The following SHISAL1 variants were observed in gnomAD, a reference collection of about 807,000 sequenced individuals.
The protein encoded by SHISAL1 is protein shisa-like-1.
A neutral mutation model predicts 22.6 loss-of-function variants in SHISAL1; 9 were observed. The observed-to-expected ratio is 0.40, with a 90% CI of 0.24 to 0.70. The LOEUF (loss-of-function observed/expected upper bound fraction) is 0.70. Ranked by LOEUF, SHISAL1 falls within the 30% of genes least tolerant of loss-of-function variation. SHISAL1 has a pLI of 0.39. For synonymous variants in SHISAL1, 119 were observed against 115.4 expected, an observed-to-expected ratio of 1.03 and a Z score of -0.20; for missense variants, 246 against 270.6, an observed-to-expected ratio of 0.91 and a Z score of 0.64.
chr22:44,251,562 T>C (rs895750005), intron 4 of SHISAL1, among the ~76,000 whole-genome samples: 1 of 152,202 alleles, frequency 6.6e-6, no homozygotes, highest in Non-Finnish European at 1.5e-5. Context: ...AGAGGTTTAA[T>C]TGGACTTACA....
In SHISAL1 at chr22:44,247,368, A is replaced by C. The variant is rs2055009966; in HGVS notation, c.*2317T>G. 6.6e-6 allele frequency: 1 copy of C among 152,306 alleles called. No homozygotes were observed. 9.4% of individuals were successfully genotyped at this position (152,306 alleles called of 1,614,324 possible). ...CAAGGCTTCCTCTGCCTTCTGAGGC[A>C]CTGCACGTGGGACACAGCTGTGGCT... On this transcript the variant is annotated 3_prime_UTR_variant, in exon 5 of 5. Transcript: ENST00000381176.
intron 4 of SHISAL1, among the ~76,000 whole-genome samples, chr22:44,283,869 G>A (rs1446659943): frequency 6.6e-6 from 1 of 152,100 alleles, no homozygotes; most frequent in Non-Finnish European, 1.5e-5. Context: ...CCCTCTAGGT[G>A]TGTCTGTTGC....
At chr22:44,289,363 G>T (rs1220319656) in intron 3 of SHISAL1, among the ~76,000 whole-genome samples, 1 of 152,236 alleles carries the variant, frequency 6.6e-6, no homozygotes, top group Non-Finnish European at 1.5e-5. Context: ...CCCTGTACCT[G>T]CGTGGTGTGC....
intron 4 of SHISAL1, among the ~76,000 whole-genome samples, chr22:44,266,376 G>T (rs1490540946): frequency 6.6e-6 from 1 of 151,192 alleles, no homozygotes; most frequent in East Asian, 1.9e-4. Flanking sequence ...GAGGCAGTGG[G>T]GTGTGTTTGT....
chr22:44,285,492 C>T lies in SHISAL1; in HGVS notation c.535G>A (p.Val179Met), dbSNP rs774297018. The T allele has an allele frequency of 4.3e-5, 70 of 1,613,902 alleles. No homozygotes were observed. The highest frequency in any genetic ancestry group is 1.1e-4 in the East Asian group (5 of 44,884). The change falls in exon 4 of 5, where the codon GTG (valine) becomes ATG (methionine). Residue 179 changes from valine (V) to methionine (M), a missense_variant. Physicochemically the swap from Val to Met is conservative, Grantham distance 21 (BLOSUM62 1). Transcript: ENST00000381176. ...TGAGCATCTCCCCGCAATGTGTGCA[C>T]GGCCTGTGGGGCTTGTGGCAGCGGG... is the stretch of plus-strand genomic sequence containing the variant. Reference protein sequence around the residue: ...PGPLPQAPQAVHTLRGDAHSP... With the variant: ...PGPLPQAPQAMHTLRGDAHSP...
At chr22:44,266,331 T>G (rs1353050446) in intron 4 of SHISAL1, among the ~76,000 whole-genome samples, 1 of 151,514 alleles carries the variant, frequency 6.6e-6, no homozygotes, top group African/African-American at 2.4e-5. Context: ...AATATCTTGA[T>G]GGGCCACCTA....
the SHISAL1 span, among the ~76,000 whole-genome samples, chr22:44,326,433 C>T: frequency 6.6e-6 from 1 of 152,132 alleles, no homozygotes. Context: ...CTCTCTGAGG[C>T]TTGCCAGGGA....
rs554436221 is a variant in SHISAL1, at chr22:44,278,597, C to T, written c.599+6831G>A. Among the ~76,000 whole-genome samples, 15 of 151,650 alleles carry T rather than the reference C, an allele frequency of 9.9e-5. No individual in the cohort carries two copies. In the South Asian group the frequency reaches 2.7e-3, roughly 27 times the overall value. On this transcript the variant is annotated intron_variant, in intron 4 of 4. Coordinates refer to ENST00000381176, the MANE Select transcript of SHISAL1 (RefSeq NM_001099294.2). ...CCAGGGGCGGCCTGTGTGCTGGCTCCGGGTGAACGGGCCTCTCCACGCATC... is the reference window on the plus strand; with the variant it reads ...CCAGGGGCGGCCTGTGTGCTGGCTCTGGGTGAACGGGCCTCTCCACGCATC...
At chr22:44,317,474 G>C (rs970760257), upstream of SHISAL1, among the ~76,000 whole-genome samples, 1 of 152,204 alleles carries the variant, frequency 6.6e-6, no homozygotes, top group Non-Finnish European at 1.5e-5. Flanking sequence ...GGCCCCATCA[G>C]CTTTCCTAGG....
chr22:44,266,278 G>A (rs578019717), intron 4 of SHISAL1, among the ~76,000 whole-genome samples: 1 of 152,212 alleles, frequency 6.6e-6, no homozygotes, highest in East Asian at 1.9e-4. Flanking sequence ...TCAAAGCAGG[G>A]CTGCGGAGAT....
At position 44,288,397 on chromosome 22, in the gene SHISAL1, G is replaced by A. The variant is rs546302634; in HGVS notation, c.282-2652C>T. ...CATGCCTGTAATCCCAGCACTTTGG[G>A]AGGCCGAGGCCGGTGGATCACAAGG... On this transcript the variant is annotated intron_variant, in intron 3 of 4. Transcript: ENST00000381176. Among the ~76,000 whole-genome samples, 115 of 152,302 alleles carry A rather than the reference G, an allele frequency of 7.6e-4. 2 individuals carry two copies. Among genetic ancestry groups the A allele is most frequent in the African/African-American group, 2.6e-3 (107 of 41,568 alleles).
intron 4 of SHISAL1, among the ~76,000 whole-genome samples, chr22:44,264,323 C>A (rs985238195): frequency 6.6e-6 from 1 of 152,214 alleles, no homozygotes; most frequent in Non-Finnish European, 1.5e-5. Flanking sequence ...AGACCCGAGG[C>A]CTGCTGGGGA....
At chr22:44,331,565 G>T in the SHISAL1 span, among the ~76,000 whole-genome samples, 1 of 150,058 alleles carries the variant, frequency 6.7e-6, no homozygotes, top group African/African-American at 2.4e-5. This position sits in a 1 kb window ranked among gnomAD's most constrained non-coding sequence, Gnocchi z 5.2. Flanking sequence ...CGCCTGCTGG[G>T]GTGCGGGGGC....
intron 3 of SHISAL1, among the ~76,000 whole-genome samples, chr22:44,292,296 G>C (rs1038886656): frequency 5.3e-5 from 8 of 152,284 alleles, no homozygotes; most frequent in Non-Finnish European, 1.2e-4. Context: ...CGGGCTGCTG[G>C]TGAGTGCTAA....
In SHISAL1 at chr22:44,285,663, C is replaced by T; in HGVS notation, c.364G>A (p.Ala122Thr). Residue 122 changes from alanine to threonine, a missense_variant, in exon 4 of 5, where the codon GCA becomes ACA. By Grantham distance (58) the Ala-to-Thr change is moderately conservative. Coordinates refer to ENST00000381176, the MANE Select transcript of SHISAL1 (RefSeq NM_001099294.2). ...LLVLDLLYYS[A>T]MNYDICKVYL... ...ACCTTGCAGATGTCGTAGTTCATTG[C>T]CGAGTAATACAAAAGGTCCAGAACC... 1 of 1,614,160 alleles carries T rather than the reference C, an allele frequency of 6.2e-7. No individual in the cohort carries two copies. The highest frequency in any genetic ancestry group is 8.5e-7 in the Non-Finnish European group (1 of 1,180,000).
intron 1 of SHISAL1, among the ~76,000 whole-genome samples, chr22:44,311,255 GC>G (rs1451985854): frequency 6.6e-6 from 1 of 152,188 alleles, no homozygotes; most frequent in Non-Finnish European, 1.5e-5. Flanking sequence ...CCATGGGGCT[GC>G]TCTCAGGGTC....
At chr22:44,329,774 A>G in the SHISAL1 span, among the ~76,000 whole-genome samples, 1 of 152,216 alleles carries the variant, frequency 6.6e-6, no homozygotes, top group Non-Finnish European at 1.5e-5. Context: ...CCCCAATTCT[A>G]GGCAACCGTG....
intron 4 of SHISAL1, among the ~76,000 whole-genome samples, chr22:44,261,077 T>TATATATATATATA (rs1555925738): frequency 1.8e-5 from 2 of 108,740 alleles, no homozygotes; most frequent in African/African-American, 7.2e-5. Context: ...CTTCATTACT[T>TATATATATATATA]TATATATATA....
At chr22:44,266,397 C>T (rs111394744) in intron 4 of SHISAL1, among the ~76,000 whole-genome samples, 15 of 102,276 alleles carry the variant, frequency 1.5e-4, no homozygotes, top group Admixed American at 8.8e-4. Flanking sequence ...GTGTGTTTGT[C>T]GGAGGGCTTG....
Sources: gnomAD v4.1 joint callset for allele counts (sites outside exome capture counted in the v4.1 genomes callset) on GRCh38, gnomAD v4.1.1 for gene constraint, Gnocchi (gnomAD v3.1) non-coding constraint, MANE v1.5 for transcripts, NCBI Gene and HGNC (gene_info 2026-07-23, HGNC 2026-07-21) for gene names.